AUTS2: variants seen among roughly 807,000 people sequenced by gnomAD.
AUTS2 encodes the protein activator of transcription and developmental regulator AUTS2.
In AUTS2, 17 loss-of-function variants were observed where a neutral mutation model predicts 112.4. The observed-to-expected ratio is 0.15, with a 90% CI of 0.10 to 0.23. The LOEUF is 0.23. Ranked by LOEUF, AUTS2 falls within the 10% of genes least tolerant of loss-of-function variation. The pLI, the probability that AUTS2 is intolerant of heterozygous loss-of-function variation, is 1.00. For synonymous variants in AUTS2, 751 were observed against 702.7 expected, an observed-to-expected ratio of 1.07 and a Z score of -1.09; for missense variants, 1,510 against 1,701.6, an observed-to-expected ratio of 0.89 and a Z score of 1.98.
At chr7:69,600,800 C>T (rs564475649) in intron 1 of AUTS2, among the ~76,000 whole-genome samples, 62 of 152,110 alleles carry the variant, frequency 4.1e-4, no homozygotes, top group Non-Finnish European at 7.8e-4. Flanking sequence ...AAAATCCTAG[C>T]TGCTATCTGA....
At chr7:70,249,950 CATTA>C (rs1044321501) in intron 4 of AUTS2, among the ~76,000 whole-genome samples, 2 of 145,570 alleles carry the variant, frequency 1.4e-5, no homozygotes, top group Non-Finnish European at 3.0e-5. Context: ...TTACTTAAAA[CATTA>C]ATTTACTTAA....
rs1409953079 is a variant in AUTS2 at position 70,609,521 on chromosome 7, A to C, written c.691-89048A>C. On this transcript the variant is annotated intron_variant, in intron 5 of 18. Transcript: ENST00000342771. ...GCTATTCTCCTGCCTCAGCCTCCCAAGTAGCTGGGACTACAGGCGCCCACC... is the reference window on the plus strand; with the variant it reads ...GCTATTCTCCTGCCTCAGCCTCCCACGTAGCTGGGACTACAGGCGCCCACC... 3.1e-4 allele frequency among the ~76,000 whole-genome samples: 47 copies of C among 150,052 alleles called. 1 individual carries two copies. Among genetic ancestry groups the C allele is most frequent in the Non-Finnish European group, 7.4e-5 (5 of 67,646 alleles).
At chr7:70,075,905 A>G (rs1803003333) in intron 2 of AUTS2, among the ~76,000 whole-genome samples, 1 of 152,216 alleles carries the variant, frequency 6.6e-6, no homozygotes, top group East Asian at 1.9e-4. Flanking sequence ...TTTTCTATAC[A>G]TAGCCAGATA....
At chr7:70,783,268 G>A (rs1166677938) in intron 15 of AUTS2, 1 of 152,164 alleles carries the variant, frequency 6.6e-6, no homozygotes, top group African/African-American at 2.4e-5. Context: ...TGGAGGCGGG[G>A]TATCATTTTT....
At chr7:69,836,300 C>T (rs146392027) in intron 1 of AUTS2, among the ~76,000 whole-genome samples, 1 of 152,234 alleles carries the variant, frequency 6.6e-6, no homozygotes, top group Non-Finnish European at 1.5e-5. Flanking sequence ...TAGGAATTGC[C>T]CTCTGCCTTG....
chr7:70,034,356 A>G (rs779401275), intron 2 of AUTS2, among the ~76,000 whole-genome samples: 4 of 152,150 alleles, frequency 2.6e-5, no homozygotes, highest in Admixed American at 6.5e-5. Context: ...CCCTGAGAGG[A>G]TGGCACAAGG....
chr7:69,804,923 T>A (rs900567320), intron 1 of AUTS2, among the ~76,000 whole-genome samples: 12 of 152,246 alleles, frequency 7.9e-5, no homozygotes, highest in Admixed American at 5.2e-4. Flanking sequence ...TAACAAGCCC[T>A]CCTGTGATTA....
intron 1 of AUTS2, among the ~76,000 whole-genome samples, chr7:69,846,957 C>CA (rs1201845711): frequency 6.6e-6 from 1 of 152,114 alleles, no homozygotes; most frequent in Non-Finnish European, 1.5e-5. Context: ...GTCATTTGAG[C>CA]AAAGTTATAT....
At chr7:70,027,264 G>T (rs1312053500) in intron 2 of AUTS2, among the ~76,000 whole-genome samples, 2 of 152,134 alleles carry the variant, frequency 1.3e-5, no homozygotes, top group Non-Finnish European at 2.9e-5. Context: ...CTTCGTTTTG[G>T]AAACTCTCTG....
chr7:69,920,906 A>G (rs1337771993), intron 2 of AUTS2, among the ~76,000 whole-genome samples: 1 of 152,192 alleles, frequency 6.6e-6, no homozygotes, highest in Non-Finnish European at 1.5e-5. Flanking sequence ...GGACAGTTTA[A>G]AGTAAATAAA....
At chr7:69,716,493 TCTC>T (rs1798619400) in intron 1 of AUTS2, among the ~76,000 whole-genome samples, 2 of 152,148 alleles carry the variant, frequency 1.3e-5, no homozygotes, top group Non-Finnish European at 2.9e-5. Flanking sequence ...TTTTTCTTAT[TCTC>T]AGTCACTTCA....
At chr7:70,502,309 G>A (rs1281910358) in intron 5 of AUTS2, among the ~76,000 whole-genome samples, 1 of 152,152 alleles carries the variant, frequency 6.6e-6, no homozygotes, top group Non-Finnish European at 1.5e-5. Flanking sequence ...TCTGAATGTT[G>A]GACAAAGATA....
In AUTS2 at chr7:69,599,395, T is replaced by G. The variant is rs776323975; in HGVS notation, c.-259T>G. ...CAGGCATCTCCGACCCTCGGTGCTGTGGGGAGCCCCACACTTGGGCTCCTC... is the reference window on the plus strand; with the variant it reads ...CAGGCATCTCCGACCCTCGGTGCTGGGGGGAGCCCCACACTTGGGCTCCTC... On this transcript the variant is annotated 5_prime_UTR_variant, in exon 1 of 19. Transcript: ENST00000342771. This position sits in a 1 kb window ranked among gnomAD's most constrained non-coding sequence, Gnocchi z 7.0. 1 of 358,988 alleles carries G rather than the reference T, an allele frequency of 2.8e-6. No homozygotes were observed. Among genetic ancestry groups the G allele is most frequent in the African/African-American group, 2.1e-5 (1 of 47,156 alleles). The allele number at this position is 358,988 out of a possible 1,614,324, so 22.2% of individuals were successfully genotyped here.
chr7:69,754,093 C>T (rs995196045), intron 1 of AUTS2, among the ~76,000 whole-genome samples: 3 of 152,172 alleles, frequency 2.0e-5, no homozygotes, highest in Admixed American at 1.3e-4. Context: ...GTGCAGAGTG[C>T]TCCTTTCCCT....
intron 5 of AUTS2, among the ~76,000 whole-genome samples, chr7:70,454,191 G>GTCT (rs943689297): frequency 4.6e-5 from 7 of 152,288 alleles, no homozygotes; most frequent in African/African-American, 1.7e-4. Context: ...CTGAATGGGG[G>GTCT]TCTCTCTTTT....
intron 5 of AUTS2, among the ~76,000 whole-genome samples, chr7:70,491,402 G>A (rs780522794): frequency 3.1e-5 from 4 of 128,840 alleles, no homozygotes; most frequent in Non-Finnish European, 4.8e-5. Context: ...ATGACTTGGT[G>A]TGTGTGCGTG....
chr7:69,639,026 A>T (rs1457332681), intron 1 of AUTS2, among the ~76,000 whole-genome samples: 1 of 152,246 alleles, frequency 6.6e-6, no homozygotes, highest in African/African-American at 2.4e-5. Flanking sequence ...ATTAAAGAGA[A>T]GTTTTAACAT....
chr7:70,455,777 ACT>A (rs1208619807), intron 5 of AUTS2, among the ~76,000 whole-genome samples: 2 of 151,904 alleles, frequency 1.3e-5, no homozygotes, highest in East Asian at 1.9e-4. Context: ...ACAGAGTGAG[ACT>A]CTGTCGCTAC....
intron 4 of AUTS2, among the ~76,000 whole-genome samples, chr7:70,267,060 C>T (rs1487375176): frequency 6.6e-6 from 1 of 152,144 alleles, no homozygotes; most frequent in Non-Finnish European, 1.5e-5. Flanking sequence ...GTGATATTTG[C>T]AAATCAAATC....
Sources: allele counts gnomAD v4.1 joint callset (sites outside exome capture counted in the v4.1 genomes callset), GRCh38; gene constraint gnomAD v4.1.1; non-coding constraint Gnocchi (gnomAD v3.1); transcripts MANE v1.5; gene names NCBI Gene and HGNC (gene_info 2026-07-23, HGNC 2026-07-21).